The following TAB2 variants were observed in gnomAD, a reference collection of about 807,000 sequenced individuals.
TAB2 encodes TGF-beta-activated kinase 1 and MAP3K7-binding protein 2.
TAB2 carries 3 observed loss-of-function variants against 65.0 expected under a neutral mutation model. The ratio of observed to expected loss-of-function variants is 0.05; its 90% CI spans 0.02 to 0.12. TAB2 has a LOEUF of 0.12. TAB2 is among the 10% of genes least tolerant of loss of function. The pLI, the probability that TAB2 is intolerant of heterozygous loss-of-function variation, is 1.00. For synonymous variants in TAB2, 298 were observed against 285.1 expected (o/e 1.05, Z -0.46); for missense variants, 623 against 840.3 (o/e 0.74, Z 3.20).
intron 1 of TAB2, among the ~76,000 whole-genome samples, chr6:149,292,945 T>C (rs1778803178): frequency 6.6e-6 from 1 of 152,236 alleles, no homozygotes; most frequent in South Asian, 2.1e-4. Flanking sequence ...ATTAAAATTC[T>C]TTGGCCAGAT....
At chr6:149,384,197 T>C (rs959553976) in intron 3 of TAB2, among the ~76,000 whole-genome samples, 7 of 152,224 alleles carry the variant, frequency 4.6e-5, no homozygotes, top group African/African-American at 1.7e-4. Context: ...GAAAATACTT[T>C]TTCCAAATTG....
intron 6 of TAB2, among the ~76,000 whole-genome samples, chr6:149,403,970 A>G (rs2789487): frequency 0.12 from 18,662 of 152,200 alleles, 1,733 homozygotes; most frequent in East Asian, 0.51. Context: ...CATCCAAACT[A>G]TATCACCTAG....
At chr6:149,313,462 G>A (rs1161408814), upstream of TAB2, among the ~76,000 whole-genome samples, 5 of 152,044 alleles carry the variant, frequency 3.3e-5, no homozygotes, top group Non-Finnish European at 5.9e-5. Flanking sequence ...GTGGGCCCTC[G>A]TCACCCTTCC....
rs537340583 is a variant in TAB2 at position 149,397,947 on chromosome 6, C to A, written c.1765-22C>A. On this transcript the variant is annotated intron_variant, in intron 4 of 6. Transcript: ENST00000637181. ...GACTAAGAATTCAGTGCAAATCTTA[C>A]TTACATAGAATTATTTTTCAGCTTG... 49 of 1,607,226 alleles carry A rather than the reference C, an allele frequency of 3.0e-5. No homozygotes were observed. In the East Asian group the frequency reaches 1.0e-3, roughly 34 times the overall value.
In TAB2 at chr6:149,254,115, ACAGGG is replaced by A. The variant is rs566789470; in HGVS notation, c.-121+35340_-121+35344del. Among the ~76,000 whole-genome samples the A allele has an allele frequency of 5.5e-3, 752 of 136,010 alleles. 7 individuals carry two copies. Among genetic ancestry groups the A allele is most frequent in the Non-Finnish European group, 7.6e-3 (469 of 61,674 alleles). The allele number at this position is 136,010 out of a possible 152,430, so 89.2% of individuals were successfully genotyped here. On this transcript the variant is annotated intron_variant, in intron 1 of 1. Transcript: ENST00000606202. Reference sequence around the variant, plus strand: ...GAAGGAAGGAAGGAAGGAAGGAAGGACAGGGAAGGGAAGGGAAAGGAAAGGAAAGG... The same window carrying A: ...GAAGGAAGGAAGGAAGGAAGGAAGGAAAGGGAAGGGAAAGGAAAGGAAAGG...
Position 149,409,784 on chromosome 6 carries a change from GA to G in TAB2, c.*70del. The stretch of plus-strand genomic sequence containing the variant: ...GTTCAAGAAACTAGTCTGTCATCGG[GA>G]AAAAGTTTCACTGCTACATAGGATT... On this transcript the variant is annotated 3_prime_UTR_variant, in exon 7 of 7. Coordinates refer to ENST00000637181, the MANE Select transcript of TAB2 (RefSeq NM_001292034.3). 2 of 1,591,088 alleles carry G rather than the reference GA, an allele frequency of 1.3e-6. No homozygotes were observed. The highest frequency in any genetic ancestry group is 8.6e-7 in the Non-Finnish European group (1 of 1,160,428).
intron 1 of TAB2, among the ~76,000 whole-genome samples, chr6:149,268,246 G>A (rs757720155): frequency 1.3e-5 from 2 of 152,130 alleles, no homozygotes; most frequent in African/African-American, 2.4e-5. Context: ...TCTTAGCTCC[G>A]CATCACGGTC....
chr6:149,334,422 G>A (rs577388375), intron 1 of TAB2, among the ~76,000 whole-genome samples: 1 of 152,290 alleles, frequency 6.6e-6, no homozygotes, highest in African/African-American at 2.4e-5. Context: ...CATAAGGCCT[G>A]TAATACTAGA....
Position 149,234,864 on chromosome 6 carries a change from G to GAAAAAA in TAB2, c.-121+16100_-121+16105dup, listed in dbSNP as rs386408903. Among the ~76,000 whole-genome samples the GAAAAAA allele has an allele frequency of 8.0e-4, 76 of 95,442 alleles. 1 individual carries two copies. Among genetic ancestry groups the GAAAAAA allele is most frequent in the African/African-American group, 2.2e-3 (57 of 25,992 alleles). 62.6% of individuals were successfully genotyped at this position (95,442 alleles called of 152,430 possible). A position where few individuals can be genotyped will look rare whatever the true frequency, so the allele number is the denominator to read the frequency against. On this transcript the variant is annotated intron_variant, in intron 1 of 1. Coordinates refer to the TAB2 transcript ENST00000606202. ...TGAGACGACTAAGATTAGAGAGTGT[G>GAAAAAA]AAAAAAAAAAAAAAAAACACACTCT...
intron 1 of TAB2, among the ~76,000 whole-genome samples, chr6:149,295,848 C>T (rs539480664): frequency 6.6e-6 from 1 of 152,322 alleles, no homozygotes; most frequent in South Asian, 2.1e-4. Flanking sequence ...TCTCGGCTCA[C>T]TGCAACCTCT....
At chr6:149,274,688 A>G (rs1255464227) in intron 1 of TAB2, among the ~76,000 whole-genome samples, 1 of 152,230 alleles carries the variant, frequency 6.6e-6, no homozygotes, top group African/African-American at 2.4e-5. Context: ...CTTCATTGAA[A>G]AAAGGAAGAT....
At chr6:149,329,998 C>T (rs1779734734) in intron 1 of TAB2, among the ~76,000 whole-genome samples, 1 of 152,118 alleles carries the variant, frequency 6.6e-6, no homozygotes, top group South Asian at 2.1e-4. Flanking sequence ...CCTTTCCTTC[C>T]TGGCAACCAC....
At chr6:149,219,837 G>A (rs1224086575) in intron 1 of TAB2, among the ~76,000 whole-genome samples, 1 of 152,106 alleles carries the variant, frequency 6.6e-6, no homozygotes, top group East Asian at 1.9e-4. Flanking sequence ...ACCGTACTCT[G>A]TAGACAAGCA....
In TAB2 at chr6:149,320,090, T is replaced by C. The variant is rs539377751; in HGVS notation, c.-90+2075T>C. On this transcript the variant is annotated intron_variant, in intron 1 of 6. Coordinates refer to ENST00000637181, the MANE Select transcript of TAB2 (RefSeq NM_001292034.3). ...ATTTTGTTTTTGTTTTCTTTGTTTT[T>C]TGTTTTGAGACAGTCTCGCTCTGTC... Among the ~76,000 whole-genome samples, 7 of 152,310 alleles carry C rather than the reference T, an allele frequency of 4.6e-5. No individual in the cohort carries two copies. In the East Asian group the frequency reaches 1.2e-3, roughly 25 times the overall value.
chr6:149,354,136 T>A (rs515133), intron 1 of TAB2, among the ~76,000 whole-genome samples: 1 of 152,160 alleles, frequency 6.6e-6, no homozygotes, highest in Admixed American at 6.5e-5. Context: ...TGGTCCCAGC[T>A]TCTGCTATCC....
intron 1 of TAB2, among the ~76,000 whole-genome samples, chr6:149,280,494 C>T (rs767683346): frequency 5.3e-5 from 8 of 152,106 alleles, no homozygotes; most frequent in East Asian, 1.9e-4. Context: ...AATAGAATAA[C>T]GCTGAGCTAG....
intron 1 of TAB2, among the ~76,000 whole-genome samples, chr6:149,275,827 A>AAC (rs1398598446): frequency 1.3e-5 from 2 of 152,218 alleles, no homozygotes; most frequent in African/African-American, 4.8e-5. Context: ...AAAAGCATCA[A>AAC]ACAAATTCCA....
chr6:149,393,763 C>T (rs1283828326), intron 3 of TAB2, among the ~76,000 whole-genome samples: 1 of 152,096 alleles, frequency 6.6e-6, no homozygotes, highest in Non-Finnish European at 1.5e-5. Context: ...ATTTTCCATG[C>T]AGAGTTGCAT....
chr6:149,268,354 T>C (rs1778301262), intron 1 of TAB2, among the ~76,000 whole-genome samples: 1 of 152,188 alleles, frequency 6.6e-6, no homozygotes, highest in Non-Finnish European at 1.5e-5. Context: ...CACATCCAGC[T>C]GGGAGAAAAA....
Sources: allele counts gnomAD v4.1 joint callset (sites outside exome capture counted in the v4.1 genomes callset), GRCh38; gene constraint gnomAD v4.1.1; transcripts MANE v1.5; gene names NCBI Gene and HGNC (gene_info 2026-07-23, HGNC 2026-07-21).